WWTR1: variants seen among roughly 807,000 people sequenced by gnomAD.
WWTR1 encodes the protein WW domain containing transcription regulator 1.
A neutral mutation model predicts 40.1 loss-of-function variants in WWTR1; 13 were observed. The observed-to-expected ratio is 0.32, with a 90% CI of 0.21 to 0.52. The LOEUF (loss-of-function observed/expected upper bound fraction) is 0.52. Among genes scored for constraint, WWTR1 ranks in the 20% least tolerant of loss-of-function variants. WWTR1 has a pLI of 0.97. For missense variants in WWTR1, 436 were observed against 523.1 expected (o/e 0.83, Z 1.63); for synonymous variants, 230 against 210.1 (o/e 1.09, Z -0.82).
intron 1 of WWTR1, among the ~76,000 whole-genome samples, chr3:149,692,928 C>A (rs1440947977): frequency 6.6e-6 from 1 of 152,092 alleles, no homozygotes; most frequent in African/African-American, 2.4e-5. Flanking sequence ...AGCCACCGTG[C>A]ATGGCTCCAC....
chr3:149,690,746 C>G (rs1714796805), intron 1 of WWTR1, among the ~76,000 whole-genome samples: 2 of 152,198 alleles, frequency 1.3e-5, no homozygotes, highest in South Asian at 4.1e-4. Flanking sequence ...CAGACTTAAT[C>G]TGCACTATAC....
intron 2 of WWTR1, among the ~76,000 whole-genome samples, chr3:149,573,439 A>G (rs1737740063): frequency 6.6e-6 from 1 of 152,142 alleles, no homozygotes; most frequent in Admixed American, 6.6e-5. Flanking sequence ...CATAATGAGG[A>G]TCCCTTTGGC....
At chr3:149,701,211 G>A (rs1289655375) in intron 1 of WWTR1, among the ~76,000 whole-genome samples, 1 of 151,968 alleles carries the variant, frequency 6.6e-6, no homozygotes, top group Non-Finnish European at 1.5e-5. Flanking sequence ...GGGAAACGAT[G>A]ATTCTTAAAA....
chr3:149,604,903 G>A (rs1739415274), intron 2 of WWTR1, among the ~76,000 whole-genome samples: 1 of 152,232 alleles, frequency 6.6e-6, no homozygotes, highest in South Asian at 2.1e-4. Flanking sequence ...GAGCAAAGGA[G>A]GGAAATGTCA....
At chr3:149,639,344 T>G (rs910981576) in intron 2 of WWTR1, among the ~76,000 whole-genome samples, 3 of 152,114 alleles carry the variant, frequency 2.0e-5, no homozygotes, top group African/African-American at 7.2e-5. Flanking sequence ...GCTGGGACTA[T>G]AGCAGTGTGC....
upstream of WWTR1, among the ~76,000 whole-genome samples, chr3:149,662,027 G>A (rs572800670): frequency 6.6e-6 from 1 of 152,064 alleles, no homozygotes; most frequent in Non-Finnish European, 1.5e-5. Context: ...CACCTCGCCC[G>A]GCCAAATAAA....
intron 2 of WWTR1, among the ~76,000 whole-genome samples, chr3:149,579,232 G>A (rs910342105): frequency 6.6e-6 from 1 of 152,058 alleles, no homozygotes; most frequent in Non-Finnish European, 1.5e-5. Context: ...AGACATCAGG[G>A]CTCCCCTCCA....
intron 2 of WWTR1, among the ~76,000 whole-genome samples, chr3:149,663,565 G>A (rs930762497): frequency 2.6e-5 from 4 of 152,004 alleles, no homozygotes; most frequent in Admixed American, 6.5e-5. Context: ...GCGTGGTGGC[G>A]CGTGCCTGTA....
At chr3:149,655,815 A>G (rs1444788718) in intron 2 of WWTR1, among the ~76,000 whole-genome samples, 2 of 152,230 alleles carry the variant, frequency 1.3e-5, no homozygotes, top group Non-Finnish European at 2.9e-5. Flanking sequence ...TGCCAAAGAA[A>G]GGCTTGATTA....
At chr3:149,593,805 C>T (rs1738847039) in intron 2 of WWTR1, among the ~76,000 whole-genome samples, 1 of 152,196 alleles carries the variant, frequency 6.6e-6, no homozygotes, top group African/African-American at 2.4e-5. Flanking sequence ...AAAATATATA[C>T]AGTATATCAT....
chr3:149,668,341 C>A (rs567135312), intron 2 of WWTR1, among the ~76,000 whole-genome samples: 2 of 152,030 alleles, frequency 1.3e-5, no homozygotes, highest in African/African-American at 4.8e-5. Flanking sequence ...TGACTCTTGG[C>A]CAGGCGTGTA....
At position 149,607,015 on chromosome 3, in the gene WWTR1, C is replaced by T. The variant is rs377363947; in HGVS notation, c.432-34015G>A. 2.8e-4 allele frequency among the ~76,000 whole-genome samples: 42 copies of T among 152,150 alleles called. 1 individual carries two copies. The highest frequency in any genetic ancestry group is 4.9e-4 in the Non-Finnish European group (33 of 68,028). ...TTCGCTATTGTTGGACTATTGGTTA[C>T]GGTTATAATACTACTATTACAATGG... On this transcript the variant is annotated intron_variant, in intron 2 of 6. Transcript: ENST00000360632.
At chr3:149,650,549 T>A (rs1712804737) in intron 2 of WWTR1, among the ~76,000 whole-genome samples, 1 of 152,210 alleles carries the variant, frequency 6.6e-6, no homozygotes. Flanking sequence ...TTGCTATCTC[T>A]CTGGGATGTG....
At chr3:149,560,834 A>G (rs1394445438) in intron 3 of WWTR1, among the ~76,000 whole-genome samples, 2 of 152,184 alleles carry the variant, frequency 1.3e-5, no homozygotes, top group East Asian at 1.9e-4. Flanking sequence ...ACTTCCATTT[A>G]TGGCTTAGTC....
chr3:149,534,314 G>C (rs1735727594), intron 4 of WWTR1, among the ~76,000 whole-genome samples: 1 of 152,186 alleles, frequency 6.6e-6, no homozygotes, highest in Non-Finnish European at 1.5e-5. Flanking sequence ...GTGTGGCAGA[G>C]AAAGAAAAGT....
intron 2 of WWTR1, among the ~76,000 whole-genome samples, chr3:149,611,172 AG>A (rs774695160): frequency 1.3e-5 from 2 of 152,016 alleles, no homozygotes; most frequent in Non-Finnish European, 2.9e-5. Context: ...TAATAGTAAA[AG>A]TTTTTAAAAA....
intron 2 of WWTR1, among the ~76,000 whole-genome samples, chr3:149,652,351 T>C (rs1560104327): frequency 6.6e-6 from 1 of 151,410 alleles, no homozygotes; most frequent in Non-Finnish European, 1.5e-5. Context: ...AAGCCAGGTG[T>C]GGTGGCTCAC....
chr3:149,713,281 G>A (rs12629806), intron 5 of WWTR1, among the ~76,000 whole-genome samples: 3,089 of 152,038 alleles, frequency 0.02, 42 homozygotes, highest in East Asian at 0.063. Flanking sequence ...AGAAATTCAG[G>A]ATTGTCTATG....
At chr3:149,708,290 TTTGC>T (rs2108228965) in intron 5 of WWTR1, among the ~76,000 whole-genome samples, 1 of 152,338 alleles carries the variant, frequency 6.6e-6, no homozygotes, top group South Asian at 2.1e-4. Context: ...GTTGGTTTTG[TTTGC>T]TTGCTGGTTT....
Sources: gnomAD v4.1 joint callset for allele counts (sites outside exome capture counted in the v4.1 genomes callset) on GRCh38, gnomAD v4.1.1 for gene constraint, MANE v1.5 for transcripts, NCBI Gene and HGNC (gene_info 2026-07-23, HGNC 2026-07-21) for gene names.